CADPS2: variants seen among roughly 807,000 people sequenced by gnomAD.
CADPS2 encodes the protein calcium dependent secretion activator 2.
A neutral mutation model predicts 172.5 loss-of-function variants in CADPS2; 93 were observed. That is an observed-to-expected ratio of 0.54 (90% CI 0.46 to 0.64). The LOEUF is 0.64. Among genes scored for constraint, CADPS2 ranks in the 30% least tolerant of loss-of-function variants. The pLI, the probability that CADPS2 is intolerant of heterozygous loss-of-function variation, is 0.00. For synonymous variants in CADPS2, 546 were observed against 555.2 expected, an observed-to-expected ratio of 0.98 and a Z score of 0.23; for missense variants, 1,420 against 1,565.9, an observed-to-expected ratio of 0.91 and a Z score of 1.57.
intron 15 of CADPS2, among the ~76,000 whole-genome samples, chr7:122,444,128 T>C (rs1302854528): frequency 6.6e-6 from 1 of 152,186 alleles, no homozygotes; most frequent in African/African-American, 2.4e-5. Flanking sequence ...TGATATTCAT[T>C]CATGCTGTTG....
chr7:122,499,696 G>A lies in CADPS2; in HGVS notation c.1543-8276C>T, dbSNP rs1411964441. ...AGAAAAGAAAAGAAGAAACTATGAC[G>A]ATGGGGTTAGGGTATGCAAGTAAAC... is the stretch of plus-strand genomic sequence containing the variant. On this transcript the variant is annotated intron_variant, in intron 9 of 29. Transcript: ENST00000449022. 8.5e-5 allele frequency among the ~76,000 whole-genome samples: 13 copies of A among 152,144 alleles called. 1 individual carries two copies. The highest frequency in any genetic ancestry group is 8.5e-4 in the Admixed American group (13 of 15,266).
chr7:122,393,551 G>T lies in CADPS2; in HGVS notation c.2778C>A (p.His926Gln). 1 of 1,613,830 alleles carries T rather than the reference G, an allele frequency of 6.2e-7. No individual in the cohort carries two copies. The highest frequency in any genetic ancestry group is 8.5e-7 in the Non-Finnish European group (1 of 1,179,814). ...CCAAGGGTACAAAGATTTCTTGCAA[G>T]TGTTTGTGAAATTTTCCATTACACA... ...TLLCNGKFHK[H>Q]LQEIFVPLVV... Residue 926 changes from histidine to glutamine, a missense_variant, in exon 21 of 30, where the codon CAC becomes CAA. His to Gln is a conservative substitution (Grantham distance 24, BLOSUM62 0). Transcript: ENST00000449022.
intron 9 of CADPS2, among the ~76,000 whole-genome samples, chr7:122,500,586 G>A (rs867727425): frequency 2.6e-5 from 4 of 152,030 alleles, no homozygotes; most frequent in Admixed American, 6.6e-5. Flanking sequence ...ATTATGTTAC[G>A]GACACAGATG....
At chr7:122,435,908 T>C (rs1276784635) in intron 17 of CADPS2, among the ~76,000 whole-genome samples, 1 of 152,036 alleles carries the variant, frequency 6.6e-6, no homozygotes, top group Non-Finnish European at 1.5e-5. Flanking sequence ...ATATGAGGAA[T>C]CTAAAAGAGT....
intron 17 of CADPS2, among the ~76,000 whole-genome samples, chr7:122,437,808 GAA>G (rs3069346): frequency 2.2e-5 from 3 of 135,954 alleles, no homozygotes; most frequent in Admixed American, 7.2e-5. Flanking sequence ...CCTGAAGAAA[GAA>G]AAAAAAAAAA....
intron 2 of CADPS2, among the ~76,000 whole-genome samples, chr7:122,675,016 T>G (rs1053046532): frequency 2.0e-5 from 3 of 152,246 alleles, no homozygotes; most frequent in Non-Finnish European, 2.9e-5. Flanking sequence ...TTTTCCAGTA[T>G]GTAAATACCA....
At chr7:122,499,047 C>T (rs1409093744) in intron 9 of CADPS2, among the ~76,000 whole-genome samples, 1 of 152,180 alleles carries the variant, frequency 6.6e-6, no homozygotes, top group African/African-American at 2.4e-5. Flanking sequence ...AATTTCCTAG[C>T]TTAGGTATTT....
intron 2 of CADPS2, among the ~76,000 whole-genome samples, chr7:122,692,044 C>A (rs1411076712): frequency 3.3e-5 from 5 of 152,184 alleles, no homozygotes; most frequent in Non-Finnish European, 2.9e-5. Flanking sequence ...CCACCCAAGC[C>A]AGGCATCTCG....
chr7:122,703,048 AT>A lies in CADPS2; in HGVS notation c.453+33906del, dbSNP rs1449820264. The A allele has an allele frequency of 5.5e-5, 16 of 292,532 alleles. No individual in the cohort carries two copies. In the East Asian group the frequency reaches 1.1e-3, roughly 20 times the overall value. 18.1% of individuals were successfully genotyped at this position (292,532 alleles called of 1,614,324 possible). ...TAGTTAAACCAATCCAAGAGTTTAT[AT>A]TAGTGCATTGCATCCTGAAATCCTA... On this transcript the variant is annotated intron_variant, in intron 2 of 29. Transcript: ENST00000449022.
intron 3 of CADPS2, among the ~76,000 whole-genome samples, chr7:122,631,363 TCTTA>T (rs1240495632): frequency 1.3e-5 from 2 of 152,210 alleles, no homozygotes; most frequent in African/African-American, 2.4e-5. Context: ...GATTAACAGC[TCTTA>T]CTTAAGTGTA....
chr7:122,863,733 C>T (rs1247628877), intron 1 of CADPS2, among the ~76,000 whole-genome samples: 2 of 152,154 alleles, frequency 1.3e-5, no homozygotes, highest in Non-Finnish European at 2.9e-5. Context: ...GAATCAACAA[C>T]TTAAAGTGTA....
At chr7:122,791,436 A>G (rs1470517167) in intron 1 of CADPS2, among the ~76,000 whole-genome samples, 1 of 151,916 alleles carries the variant, frequency 6.6e-6, no homozygotes, top group African/African-American at 2.4e-5. Flanking sequence ...CTAAATCTTG[A>G]CTTTTTCTTT....
intron 9 of CADPS2, among the ~76,000 whole-genome samples, chr7:122,503,769 C>A (rs1000763308): frequency 1.1e-4 from 17 of 152,032 alleles, no homozygotes; most frequent in African/African-American, 4.1e-4. Context: ...CATGCATCTA[C>A]AGTGAATTTT....
intron 27 of CADPS2, among the ~76,000 whole-genome samples, chr7:122,360,219 T>C (rs2039953657): frequency 6.6e-6 from 1 of 152,198 alleles, no homozygotes; most frequent in Non-Finnish European, 1.5e-5. Context: ...AACTTGTTGG[T>C]TATGTTTACC....
intron 6 of CADPS2, among the ~76,000 whole-genome samples, chr7:122,614,688 T>G (rs1391175875): frequency 6.6e-6 from 1 of 152,168 alleles, no homozygotes; most frequent in Non-Finnish European, 1.5e-5. Context: ...AAAGCAGCTT[T>G]ATGCTCTGAA....
At chr7:122,346,676 A>T (rs1166094284) in intron 27 of CADPS2, among the ~76,000 whole-genome samples, 1 of 152,240 alleles carries the variant, frequency 6.6e-6, no homozygotes, top group Non-Finnish European at 1.5e-5. Context: ...GATGTGGATT[A>T]AATACCTTTC....
intron 3 of CADPS2, among the ~76,000 whole-genome samples, chr7:122,662,852 A>C (rs1007965528): frequency 1.3e-5 from 2 of 152,190 alleles, no homozygotes; most frequent in African/African-American, 4.8e-5. Flanking sequence ...GACCAGCATC[A>C]TATCTTTATA....
chr7:122,537,748 A>C (rs1157353397), intron 8 of CADPS2, among the ~76,000 whole-genome samples: 2 of 151,802 alleles, frequency 1.3e-5, no homozygotes, highest in Non-Finnish European at 2.9e-5. Flanking sequence ...ATTTTTTAAG[A>C]GAGACGAAAT....
chr7:122,630,056 A>G (rs531238726), intron 3 of CADPS2, among the ~76,000 whole-genome samples: 24 of 152,270 alleles, frequency 1.6e-4, no homozygotes, highest in African/African-American at 5.3e-4. Context: ...CATTCACTCA[A>G]TATTAGTCCC....
Sources: gnomAD v4.1 joint callset for allele counts (sites outside exome capture counted in the v4.1 genomes callset) on GRCh38, gnomAD v4.1.1 for gene constraint, MANE v1.5 for transcripts, NCBI Gene and HGNC (gene_info 2026-07-23, HGNC 2026-07-21) for gene names.